The following CTNND2 variants were observed in gnomAD, a reference collection of about 807,000 sequenced individuals.
The protein encoded by CTNND2 is catenin delta 2.
In CTNND2, 22 loss-of-function variants were observed where a neutral mutation model predicts 144.4. That is an observed-to-expected ratio of 0.15 (90% CI 0.11 to 0.22). The LOEUF (loss-of-function observed/expected upper bound fraction) is 0.22. Among genes scored for constraint, CTNND2 ranks in the 10% least tolerant of loss-of-function variants. CTNND2 has a pLI of 1.00. For missense variants in CTNND2, 1,353 were observed against 1,618.8 expected (o/e 0.84, Z 2.82); for synonymous variants, 751 against 695.6 (o/e 1.08, Z -1.25).
At chr5:11,801,597 T>G (rs1231092810) in intron 1 of CTNND2, among the ~76,000 whole-genome samples, 1 of 152,252 alleles carries the variant, frequency 6.6e-6, no homozygotes. Flanking sequence ...CCTCCAGGTA[T>G]GTAATTGGGA....
At chr5:11,442,961 A>G (rs555020175) in intron 3 of CTNND2, among the ~76,000 whole-genome samples, 1 of 147,630 alleles carries the variant, frequency 6.8e-6, no homozygotes, top group African/African-American at 2.5e-5. Context: ...TATATAAAAT[A>G]AATATATATA....
At chr5:11,673,941 A>T (rs892674641) in intron 2 of CTNND2, among the ~76,000 whole-genome samples, 1 of 152,180 alleles carries the variant, frequency 6.6e-6, no homozygotes, top group African/African-American at 2.4e-5. Context: ...TATCATAATT[A>T]TGACTAGATT....
intron 1 of CTNND2, among the ~76,000 whole-genome samples, chr5:11,759,167 C>G (rs1158813191): frequency 6.7e-6 from 1 of 149,664 alleles, no homozygotes; most frequent in African/African-American, 2.4e-5. Flanking sequence ...AAGCATGAAC[C>G]TGATTATAAT....
At chr5:11,497,524 G>C (rs895132466) in intron 3 of CTNND2, among the ~76,000 whole-genome samples, 3 of 83,074 alleles carry the variant, frequency 3.6e-5, no homozygotes, top group Admixed American at 2.9e-4. Context: ...GGGGGTGGGG[G>C]GGGGCAATAT....
At chr5:11,666,260 C>T (rs1394667066) in intron 2 of CTNND2, among the ~76,000 whole-genome samples, 1 of 152,148 alleles carries the variant, frequency 6.6e-6, no homozygotes, top group Non-Finnish European at 1.5e-5. Flanking sequence ...ATTGTCTAAG[C>T]TATGCACCTT....
intron 1 of CTNND2, among the ~76,000 whole-genome samples, chr5:11,747,436 C>G (rs1788376185): frequency 6.6e-6 from 1 of 152,116 alleles, no homozygotes. Flanking sequence ...TACCACAGCC[C>G]CTAATACAGT....
chr5:11,094,195 A>G (rs112622617), intron 15 of CTNND2, among the ~76,000 whole-genome samples: 8 of 152,316 alleles, frequency 5.3e-5, no homozygotes, highest in African/African-American at 1.9e-4. Context: ...CAAGACTGAC[A>G]TCCTAAGAGG....
chr5:11,856,777 A>C (rs2127015788), intron 1 of CTNND2, among the ~76,000 whole-genome samples: 1 of 152,300 alleles, frequency 6.6e-6, no homozygotes, highest in South Asian at 2.1e-4. Context: ...GCTATCTATA[A>C]TATTTTTAAA....
chr5:11,713,688 G>C (rs751765769), intron 2 of CTNND2, among the ~76,000 whole-genome samples: 1 of 151,366 alleles, frequency 6.6e-6, no homozygotes, highest in African/African-American at 2.4e-5. Flanking sequence ...CAACAACCTG[G>C]ATATCATTAG....
At chr5:11,441,175 G>A (rs1212026344) in intron 3 of CTNND2, among the ~76,000 whole-genome samples, 3 of 152,016 alleles carry the variant, frequency 2.0e-5, no homozygotes, top group South Asian at 2.1e-4. Context: ...ACTGAAATGT[G>A]TGTCACAGCA....
Position 10,973,145 on chromosome 5 carries a change from G to T in CTNND2, c.*308C>A. The T allele has an allele frequency of 3.9e-6, 1 of 254,090 alleles. No individual in the cohort carries two copies. The highest frequency in any genetic ancestry group is 7.5e-6 in the Non-Finnish European group (1 of 134,176). The allele number at this position is 254,090 out of a possible 1,614,324, so 15.7% of individuals were successfully genotyped here. A position where few individuals can be genotyped will look rare whatever the true frequency, so the allele number is the denominator to read the frequency against. On this transcript the variant is annotated 3_prime_UTR_variant, in exon 22 of 22. Coordinates refer to ENST00000304623, the MANE Select transcript of CTNND2 (RefSeq NM_001332.4). The surrounding 1 kb of genome is among the most constrained non-coding windows in gnomAD (Gnocchi z 5.6). ...ACCCTTACGCCCCACCGGCCCGAAT[G>T]CCTCGTCTCTCCTCCCATCAACCAC...
chr5:11,430,291 T>C (rs1763171244), intron 3 of CTNND2, among the ~76,000 whole-genome samples: 1 of 149,734 alleles, frequency 6.7e-6, no homozygotes, highest in Non-Finnish European at 1.5e-5. Flanking sequence ...TTTTCCTTTT[T>C]ACCATTAAGA....
At chr5:11,893,364 T>A (rs371148077) in intron 1 of CTNND2, among the ~76,000 whole-genome samples, 37 of 152,326 alleles carry the variant, frequency 2.4e-4, no homozygotes, top group Middle Eastern at 3.4e-3. Flanking sequence ...GGGGGACAGA[T>A]TATCTAGCGC....
chr5:11,128,502 A>G (rs1754912871), intron 12 of CTNND2, among the ~76,000 whole-genome samples: 1 of 150,868 alleles, frequency 6.6e-6, no homozygotes, highest in South Asian at 2.1e-4. Context: ...AAGTCATGGA[A>G]TTTGTGGCAA....
At chr5:11,364,036 G>T (rs61750677) in intron 8 of CTNND2, among the ~76,000 whole-genome samples, 1,875 of 152,266 alleles carry the variant, frequency 0.012, 42 homozygotes, top group African/African-American at 0.043. Flanking sequence ...ATCTAATTAT[G>T]ACATTTGACA....
chr5:11,422,076 C>A (rs1367972424), intron 3 of CTNND2, among the ~76,000 whole-genome samples: 1 of 152,038 alleles, frequency 6.6e-6, no homozygotes, highest in Non-Finnish European at 1.5e-5. Flanking sequence ...GAACAGAGGC[C>A]TGAGAGAGTG....
chr5:11,124,847 C>T (rs1754511208), intron 12 of CTNND2, among the ~76,000 whole-genome samples: 1 of 152,110 alleles, frequency 6.6e-6, no homozygotes, highest in South Asian at 2.1e-4. Context: ...GCTAGAGGTA[C>T]AGAACTTTCA....
chr5:11,227,283 T>C (rs140347753), intron 10 of CTNND2, among the ~76,000 whole-genome samples: 9 of 152,334 alleles, frequency 5.9e-5, no homozygotes, highest in Admixed American at 3.3e-4. Flanking sequence ...TGCCATGATA[T>C]GGAGTCTCAA....
chr5:11,539,906 C>A (rs868262211), intron 3 of CTNND2, among the ~76,000 whole-genome samples: 1 of 152,010 alleles, frequency 6.6e-6, no homozygotes, highest in African/African-American at 2.4e-5. Flanking sequence ...TGGTGGTGGG[C>A]GTCTGTAATC....
Sources: allele counts gnomAD v4.1 joint callset (sites outside exome capture counted in the v4.1 genomes callset), GRCh38; gene constraint gnomAD v4.1.1; non-coding constraint Gnocchi (gnomAD v3.1); transcripts MANE v1.5; gene names NCBI Gene and HGNC (gene_info 2026-07-23, HGNC 2026-07-21).